The following PLEKHM3 variants were observed in gnomAD, a reference collection of about 807,000 sequenced individuals.
The protein encoded by PLEKHM3 is pleckstrin homology domain-containing family M member 3.
In PLEKHM3, 45 loss-of-function variants were observed where a neutral mutation model predicts 81.8. The ratio of observed to expected loss-of-function variants is 0.55; its 90% CI spans 0.43 to 0.71. PLEKHM3 has a LOEUF of 0.71. Among genes scored for constraint, PLEKHM3 ranks in the 30% least tolerant of loss-of-function variants. The probability of loss-of-function intolerance (pLI) is 0.00; values close to 1 mark genes in which losing one functional copy is unlikely to be tolerated. For synonymous variants in PLEKHM3, 352 were observed against 356.4 expected (o/e 0.99, Z 0.14); for missense variants, 788 against 924.3 (o/e 0.85, Z 1.91).
Position 207,895,820 on chromosome 2 carries a change from C to A in PLEKHM3, c.1950+12694G>T, listed in dbSNP as rs1688206518. On this transcript the variant is annotated intron_variant, in intron 6 of 7. Transcript: ENST00000427836. ...GCCACTGAATTGTAAGGTATTAAGA[C>A]AACAATTTGTCTTTAAGGAAAATAT... is the stretch of plus-strand genomic sequence containing the variant. 2.6e-5 allele frequency among the ~76,000 whole-genome samples: 4 copies of A among 152,016 alleles called. No individual in the cohort carries two copies. In the South Asian group the frequency reaches 8.3e-4, roughly 31 times the overall value.
intron 5 of PLEKHM3, among the ~76,000 whole-genome samples, chr2:207,919,160 GA>G (rs1286891242): frequency 2.0e-5 from 3 of 151,948 alleles, no homozygotes; most frequent in Admixed American, 6.6e-5. Context: ...GAAAAAAAGA[GA>G]AAAAAGGAAG....
intron 5 of PLEKHM3, among the ~76,000 whole-genome samples, chr2:207,919,357 C>T (rs1418637240): frequency 1.3e-5 from 2 of 152,134 alleles, no homozygotes; most frequent in East Asian, 1.9e-4. Flanking sequence ...TGGGCTTTTA[C>T]TTGGAGCGAG....
At chr2:208,009,608 T>G (rs1692619519) in intron 1 of PLEKHM3, among the ~76,000 whole-genome samples, 1 of 152,210 alleles carries the variant, frequency 6.6e-6, no homozygotes, top group Non-Finnish European at 1.5e-5. Context: ...TGATATCAAG[T>G]AACTTACCTG....
intron 2 of PLEKHM3, among the ~76,000 whole-genome samples, chr2:207,979,526 C>T (rs1453946135): frequency 8.1e-5 from 12 of 147,740 alleles, no homozygotes; most frequent in Non-Finnish European, 7.4e-5. Flanking sequence ...AAGAGTGAAA[C>T]GCCGTCTCAG....
At chr2:207,944,645 G>A (rs1690062211) in intron 4 of PLEKHM3, among the ~76,000 whole-genome samples, 1 of 152,122 alleles carries the variant, frequency 6.6e-6, no homozygotes, top group South Asian at 2.1e-4. Flanking sequence ...GAAAGCTACT[G>A]ATATAAATGG....
chr2:207,832,686 G>C (rs921276093), intron 7 of PLEKHM3, among the ~76,000 whole-genome samples: 14 of 148,482 alleles, frequency 9.4e-5, no homozygotes, highest in African/African-American at 3.5e-4. Flanking sequence ...CAGCTACTCG[G>C]GAGGCTAGGC....
At chr2:207,894,269 T>C (rs1688150986) in intron 6 of PLEKHM3, among the ~76,000 whole-genome samples, 2 of 152,214 alleles carry the variant, frequency 1.3e-5, no homozygotes, top group Admixed American at 1.3e-4. Flanking sequence ...TACAGGTCAT[T>C]GGTGTAGACA....
chr2:208,022,194 G>A (rs973058271), intron 1 of PLEKHM3, among the ~76,000 whole-genome samples: 1 of 152,190 alleles, frequency 6.6e-6, no homozygotes, highest in Admixed American at 6.5e-5. Context: ...ACTAACTGTT[G>A]AGGAGGATTT....
chr2:207,824,133 C>T lies in PLEKHM3; in HGVS notation c.*4186G>A, dbSNP rs561836224. 1 of 152,302 alleles carries T rather than the reference C, an allele frequency of 6.6e-6. No homozygotes were observed. Among genetic ancestry groups the T allele is most frequent in the East Asian group, 1.9e-4 (1 of 5,190 alleles). The allele number at this position is 152,302 out of a possible 1,614,324, so 9.4% of individuals were successfully genotyped here. A position where few individuals can be genotyped will look rare whatever the true frequency, so the allele number is the denominator to read the frequency against. ...TGAAGCTCCTAATGCCCATCACTAA[C>T]AAGTGACACGGAGGCAGGGGAAACA... is the stretch of plus-strand genomic sequence containing the variant. On this transcript the variant is annotated 3_prime_UTR_variant, in exon 8 of 8. Transcript: ENST00000427836.
chr2:207,844,739 A>C (rs1399275172), intron 7 of PLEKHM3, among the ~76,000 whole-genome samples: 1 of 152,168 alleles, frequency 6.6e-6, no homozygotes, highest in East Asian at 1.9e-4. Context: ...GACTAGTTAA[A>C]GGTAGGTGGC....
chr2:207,953,609 T>C (rs1365999263), intron 3 of PLEKHM3, among the ~76,000 whole-genome samples: 5 of 151,984 alleles, frequency 3.3e-5, no homozygotes, highest in Non-Finnish European at 5.9e-5. Context: ...GCCAACATGG[T>C]GAAACCTCTA....
Position 208,008,320 on chromosome 2 carries a change from A to G in PLEKHM3, c.-318-6363T>C, listed in dbSNP as rs571375160. On this transcript the variant is annotated intron_variant, in intron 1 of 7. Coordinates refer to ENST00000427836, the MANE Select transcript of PLEKHM3 (RefSeq NM_001080475.3). ...TAAATACTTGTAGAAACTCTGGTAA[A>G]TAGTGACAGATATGGAAAAGAAAAT... Among the ~76,000 whole-genome samples the G allele has an allele frequency of 2.0e-5, 3 of 151,982 alleles. No individual in the cohort carries two copies. The East Asian group carries it at 5.8e-4, about 29-fold the overall frequency.
intron 7 of PLEKHM3, among the ~76,000 whole-genome samples, chr2:207,849,872 C>T (rs375693811): frequency 8.5e-4 from 129 of 152,280 alleles, no homozygotes; most frequent in Non-Finnish European, 1.2e-3. Context: ...ATTTATGTAA[C>T]GCTTAGTCCA....
intron 1 of PLEKHM3, among the ~76,000 whole-genome samples, chr2:208,002,544 T>C (rs529819542): frequency 6.6e-6 from 1 of 152,182 alleles, no homozygotes; most frequent in South Asian, 2.1e-4. Context: ...GGCTCCAAAC[T>C]CCCCAAGACT....
chr2:207,842,916 G>A (rs559465415), intron 7 of PLEKHM3, among the ~76,000 whole-genome samples: 7 of 152,244 alleles, frequency 4.6e-5, no homozygotes, highest in African/African-American at 1.2e-4. Flanking sequence ...CTTCTTAGGC[G>A]GAAGCATCGA....
intron 2 of PLEKHM3, among the ~76,000 whole-genome samples, chr2:208,000,137 T>C (rs74941017): frequency 0.035 from 5,269 of 152,234 alleles, 303 homozygotes; most frequent in African/African-American, 0.12. Flanking sequence ...GTATAAAGTA[T>C]GAGGAGAAAG....
At position 207,850,733 on chromosome 2, in the gene PLEKHM3, TA is replaced by T. The variant is rs559869787; in HGVS notation, c.2108+10371del. On this transcript the variant is annotated intron_variant, in intron 7 of 7. Transcript: ENST00000427836. The stretch of plus-strand genomic sequence containing the variant: ...GCTGCATAGGAGGCAATTTAAGGAT[TA>T]AAAAAAAATCTAAGTCCTGGGTCAT... Among the ~76,000 whole-genome samples, 491 of 151,854 alleles carry T rather than the reference TA, an allele frequency of 3.2e-3. 4 individuals carry two copies. Among genetic ancestry groups the T allele is most frequent in the African/African-American group, 0.011 (469 of 41,428 alleles).
At chr2:207,841,537 T>C (rs1190353671) in intron 7 of PLEKHM3, among the ~76,000 whole-genome samples, 2 of 145,152 alleles carry the variant, frequency 1.4e-5, no homozygotes, top group African/African-American at 5.1e-5. Flanking sequence ...AGTACATTTC[T>C]AGTACTCTGT....
At chr2:208,016,378 T>G (rs895859078) in intron 1 of PLEKHM3, among the ~76,000 whole-genome samples, 4 of 151,688 alleles carry the variant, frequency 2.6e-5, no homozygotes, top group African/African-American at 9.7e-5. Context: ...GGTGTGGTGG[T>G]TCACACCTAT....
Sources: allele counts gnomAD v4.1 joint callset (sites outside exome capture counted in the v4.1 genomes callset), GRCh38; gene constraint gnomAD v4.1.1; transcripts MANE v1.5; gene names NCBI Gene and HGNC (gene_info 2026-07-23, HGNC 2026-07-21).